Variants in RBM26 observed in about 807,000 individuals in gnomAD.
RBM26 encodes the protein RNA binding motif protein 26.
In RBM26, 30 loss-of-function variants were observed where a neutral mutation model predicts 123.6. The ratio of observed to expected loss-of-function variants is 0.24; its 90% CI spans 0.18 to 0.33. The LOEUF (loss-of-function observed/expected upper bound fraction) is 0.33, where lower values mean the gene tolerates loss of function less well. Among genes scored for constraint, RBM26 ranks in the 10% least tolerant of loss-of-function variants. The probability of loss-of-function intolerance (pLI) is 1.00; values close to 1 mark genes in which losing one functional copy is unlikely to be tolerated. For synonymous variants in RBM26, 400 were observed against 404.4 expected (o/e 0.99, Z 0.13); for missense variants, 947 against 1,203.6 (o/e 0.79, Z 3.15).
At chr13:79,384,629 G>C (rs903703842) in intron 1 of RBM26, among the ~76,000 whole-genome samples, 3 of 152,170 alleles carry the variant, frequency 2.0e-5, no homozygotes, top group Admixed American at 6.5e-5. Context: ...AAGCATAGAA[G>C]TGACCATCTA....
At chr13:79,401,641 T>C (rs1252728952) in intron 1 of RBM26, among the ~76,000 whole-genome samples, 1 of 152,232 alleles carries the variant, frequency 6.6e-6, no homozygotes, top group Admixed American at 6.5e-5. Context: ...AGTAGTAATG[T>C]AGCCTATCTG....
At chr13:79,332,564 A>C (rs1308709184) in intron 20 of RBM26, among the ~76,000 whole-genome samples, 1 of 152,152 alleles carries the variant, frequency 6.6e-6, no homozygotes, top group East Asian at 1.9e-4. Context: ...TAAAAATCTA[A>C]ACATTTATCA....
intron 1 of RBM26, among the ~76,000 whole-genome samples, chr13:79,387,129 G>C (rs2077564510): frequency 6.6e-6 from 1 of 152,032 alleles, no homozygotes; most frequent in African/African-American, 2.4e-5. Context: ...TTCCGGTCAT[G>C]AATCTTAAGA....
intron 9 of RBM26, among the ~76,000 whole-genome samples, chr13:79,361,754 T>A (rs1250782925): frequency 6.6e-6 from 1 of 152,210 alleles, no homozygotes; most frequent in Non-Finnish European, 1.5e-5. Context: ...CTCCTTTCTC[T>A]GTCCATTTAC....
chr13:79,354,643 T>C, intron 12 of RBM26, 73 bp from the exon 13 acceptor site: 2 of 1,351,890 alleles, frequency 1.5e-6, no homozygotes, highest in Non-Finnish European at 1.9e-6. Flanking sequence ...GTTATTTTGT[T>C]ACTACATTGC....
In RBM26 at chr13:79,319,328, G is replaced by A. The variant is rs1440763483; in HGVS notation, c.*1293C>T. On this transcript the variant is annotated 3_prime_UTR_variant, in exon 22 of 22. Transcript: ENST00000438737. ...CAGAAACACTTGCAATCAAAATGATGAATTTGAAAATATAAATATGTAATC... is the reference window on the plus strand; with the variant it reads ...CAGAAACACTTGCAATCAAAATGATAAATTTGAAAATATAAATATGTAATC... 1 of 981,672 alleles carries A rather than the reference G, an allele frequency of 1.0e-6. No individual in the cohort carries two copies. 60.8% of individuals were successfully genotyped at this position (981,672 alleles called of 1,614,324 possible). A position where few individuals can be genotyped will look rare whatever the true frequency, so the allele number is the denominator to read the frequency against.
At chr13:79,370,835 ACAT>A in intron 5 of RBM26, 107 bp downstream of exon 5, 1 of 1,140,546 alleles carries the variant, frequency 8.8e-7, no homozygotes, top group Non-Finnish European at 1.2e-6. Flanking sequence ...ACCACAGAAT[ACAT>A]CATAATAGAA....
chr13:79,376,988 C>T (rs551527309), intron 3 of RBM26: 4 of 166,502 alleles, frequency 2.4e-5, no homozygotes, highest in South Asian at 1.6e-4. Flanking sequence ...ACTAGGTAGG[C>T]GGTGCCTATG....
At chr13:79,328,875 A>T (rs2068854665) in intron 20 of RBM26, among the ~76,000 whole-genome samples, 2 of 152,084 alleles carry the variant, frequency 1.3e-5, no homozygotes, top group East Asian at 3.9e-4. Context: ...GATAAACTGA[A>T]GATAAAACTG....
intron 5 of RBM26, among the ~76,000 whole-genome samples, chr13:79,370,492 A>T (rs1312064727): frequency 6.6e-6 from 1 of 152,136 alleles, no homozygotes; most frequent in Non-Finnish European, 1.5e-5. Flanking sequence ...TCACCTCTTG[A>T]TGGACATTTA....
chr13:79,321,677 C>T (rs1170691512), intron 21 of RBM26, among the ~76,000 whole-genome samples: 1 of 151,252 alleles, frequency 6.6e-6, no homozygotes, highest in African/African-American at 2.4e-5. Flanking sequence ...ATTATATTAC[C>T]AGCTCCAGTT....
intron 3 of RBM26, 85 bp from the exon 4 acceptor site, chr13:79,372,015 T>A: frequency 3.0e-6 from 3 of 994,700 alleles, no homozygotes; most frequent in Non-Finnish European, 4.5e-6. Context: ...GCACAGTGGT[T>A]CATGCCTGTA....
At chr13:79,377,181 C>G (rs2140212527) in intron 3 of RBM26, 198 bp downstream of exon 3, 1 of 481,808 alleles carries the variant, frequency 2.1e-6, no homozygotes, top group Non-Finnish European at 3.7e-6. Context: ...GCTGACTTTG[C>G]TTTATATCCT....
In RBM26 at chr13:79,405,861, C is replaced by G; in HGVS notation, c.-87G>C. The G allele has an allele frequency of 1.3e-6, 1 of 767,060 alleles. No homozygotes were observed. Among genetic ancestry groups the G allele is most frequent in the Non-Finnish European group, 1.8e-6 (1 of 556,210 alleles). The allele number at this position is 767,060 out of a possible 1,614,324, so 47.5% of individuals were successfully genotyped here. ...GCCGCTGCCCCCGCCCCCTCCTCCG[C>G]GCGCCGCCCGCGTGGGCCGCGGTGG... On this transcript the variant is annotated 5_prime_UTR_variant, in exon 1 of 22. Transcript: ENST00000438737.
At position 79,365,674 on chromosome 13, in the gene RBM26, T is replaced by C; in HGVS notation, c.1321A>G (p.Thr441Ala). 6.2e-7 allele frequency: 1 copy of C among 1,613,976 alleles called. No individual in the cohort carries two copies. The highest frequency in any genetic ancestry group is 8.5e-7 in the Non-Finnish European group (1 of 1,179,876). Residue 441 changes from threonine (T) to alanine (A), a missense_variant, in exon 9 of 22, where the codon ACA becomes GCA. Around this residue, in one of 5 missense-constraint regions of RBM26, gnomAD observed 493 missense variants for 563.1 expected, o/e 0.88. Coordinates refer to ENST00000438737, the MANE Select transcript of RBM26 (RefSeq NM_001366735.2). Reference sequence around the variant, plus strand: ...CTATACATAGGTCTGGAAGTGTTTGTTATGCTTGGGGCTTCAGGATTGTAG... The same window carrying C: ...CTATACATAGGTCTGGAAGTGTTTGCTATGCTTGGGGCTTCAGGATTGTAG... ...DGYNPEAPSITNTSRPMYRHR... is the reference protein window; with the variant it reads ...DGYNPEAPSIANTSRPMYRHR...
In RBM26 at chr13:79,406,165, G is replaced by C. The variant is rs1485093685; in HGVS notation, c.-391C>G. 1 of 159,562 alleles carries C rather than the reference G, an allele frequency of 6.3e-6. No homozygotes were observed. Among genetic ancestry groups the C allele is most frequent in the African/African-American group, 2.4e-5 (1 of 41,776 alleles). The allele number at this position is 159,562 out of a possible 1,614,324, so 9.9% of individuals were successfully genotyped here. A position where few individuals can be genotyped will look rare whatever the true frequency, so the allele number is the denominator to read the frequency against. ...AAAGGCAAAAGTAAAGAAAGCGAAG[G>C]CGAAGGGCAGCTCAATGGGAACGAT... On this transcript the variant is annotated 5_prime_UTR_variant, in exon 1 of 22. Transcript: ENST00000438737.
intron 12 of RBM26, among the ~76,000 whole-genome samples, chr13:79,354,807 A>T (rs1473257413): frequency 6.6e-6 from 1 of 152,206 alleles, no homozygotes; most frequent in Non-Finnish European, 1.5e-5. Flanking sequence ...CTAACAATCA[A>T]AACCCATACT....
At chr13:79,339,833 T>G (rs569157338) in intron 18 of RBM26, among the ~76,000 whole-genome samples, 1 of 152,268 alleles carries the variant, frequency 6.6e-6, no homozygotes, top group East Asian at 1.9e-4. Flanking sequence ...TCACCAGTTT[T>G]CTATTAACAA....
In RBM26 at chr13:79,318,868, C is replaced by T; in HGVS notation, c.*1753G>A. The T allele has an allele frequency of 1.0e-6, 1 of 977,758 alleles. No homozygotes were observed. Among genetic ancestry groups the T allele is most frequent in the Non-Finnish European group, 1.2e-6 (1 of 823,218 alleles). 60.6% of individuals were successfully genotyped at this position (977,758 alleles called of 1,614,324 possible). A position where few individuals can be genotyped will look rare whatever the true frequency, so the allele number is the denominator to read the frequency against. On this transcript the variant is annotated 3_prime_UTR_variant, in exon 22 of 22. Coordinates refer to ENST00000438737, the MANE Select transcript of RBM26 (RefSeq NM_001366735.2). ...ACGTGAGCCTCTGCCAATTTGGCAC[C>T]TTTCACGACTACTAAAAAGAAAAGA... is the stretch of plus-strand genomic sequence containing the variant.
Sources: allele counts gnomAD v4.1 joint callset (sites outside exome capture counted in the v4.1 genomes callset), GRCh38; gene constraint gnomAD v4.1.1; regional missense constraint gnomAD v4.1.1; transcripts MANE v1.5; gene names NCBI Gene and HGNC (gene_info 2026-07-23, HGNC 2026-07-21).